The following NOP2 variants were observed in gnomAD, a reference collection of about 807,000 sequenced individuals.
NOP2 encodes the protein 28S rRNA (cytosine(4447)-C(5))-methyltransferase.
A neutral mutation model predicts 72.7 loss-of-function variants in NOP2; 7 were observed. The ratio of observed to expected loss-of-function variants is 0.10; its 90% CI spans 0.05 to 0.18. The LOEUF is 0.18. Among genes scored for constraint, NOP2 ranks in the 10% least tolerant of loss-of-function variants. NOP2 has a pLI of 1.00. For synonymous variants in NOP2, 387 were observed against 388.0 expected, an observed-to-expected ratio of 1.00 and a Z score of 0.03; for missense variants, 954 against 1,014.7, an observed-to-expected ratio of 0.94 and a Z score of 0.81.
rs1565587249 is a variant in NOP2 at position 6,560,407 on chromosome 12, C to CG, written c.1560+39_1560+40insC. 1.3e-6 allele frequency: 2 copies of CG among 1,594,914 alleles called. No homozygotes were observed. The highest frequency in any genetic ancestry group is 1.7e-6 in the Non-Finnish European group (2 of 1,168,508). Reference sequence around the variant, plus strand: ...GAGCTCTAAGGGGCAAAGAGCCCCCCAGCCCAGCCTCCCCTGCTCTGCCAT... The same window carrying CG: ...GAGCTCTAAGGGGCAAAGAGCCCCCCGAGCCCAGCCTCCCCTGCTCTGCCAT... On this transcript the variant is annotated intron_variant, in intron 14 of 15. Transcript: ENST00000322166. This position sits in a 1 kb window ranked among gnomAD's most constrained non-coding sequence, Gnocchi z 5.0.
At chr12:6,566,722 G>A in intron 3 of NOP2, 55 bp downstream of exon 3, 1 of 1,595,408 alleles carries the variant, frequency 6.3e-7, no homozygotes, top group South Asian at 1.1e-5. Flanking sequence ...TAACTCTGTG[G>A]TCAAAGATGA....
chr12:6,559,955 G>C (rs768093709), intron 15 of NOP2, 143 bp downstream of exon 15: 48 of 659,412 alleles, frequency 7.3e-5, no homozygotes, highest in Non-Finnish European at 1.1e-4. Flanking sequence ...GCTGGAATGA[G>C]AGGGTTCTCT....
rs750739348 is a variant in NOP2, at chr12:6,563,699, T to C, written c.603A>G (p.Pro201=). The C allele has an allele frequency of 5.0e-6, 8 of 1,613,694 alleles. No homozygotes were observed. The highest frequency in any genetic ancestry group is 6.8e-6 in the Non-Finnish European group (8 of 1,179,768). ...EKEVTPESGP[P]KVEEADGGLQ... Reference sequence around the variant, plus strand: ...GGCCCCCATCTGCCTCTTCCACCTTTGGGGGGCCTGACTCAGGGGTCACTT... The same window carrying C: ...GGCCCCCATCTGCCTCTTCCACCTTCGGGGGGCCTGACTCAGGGGTCACTT... Residue 201 remains proline (P), a synonymous_variant, in exon 7 of 16, where the codon CCA becomes CCG. Transcript: ENST00000322166.
At chr12:6,561,603 C>T (rs1259171548) in intron 11 of NOP2, 61 bp downstream of exon 11, 1 of 1,595,458 alleles carries the variant, frequency 6.3e-7, no homozygotes, top group Non-Finnish European at 8.6e-7. Context: ...ACCCCAGCAA[C>T]CCCATCTACT....
intron 2 of NOP2, among the ~76,000 whole-genome samples, chr12:6,567,218 TC>T (rs1044344371): frequency 2.6e-5 from 4 of 152,116 alleles, no homozygotes; most frequent in African/African-American, 9.7e-5. Flanking sequence ...CCAAAGTGTT[TC>T]CTTAATAGTG....
At chr12:6,557,778 T>C in intron 15 of NOP2, 136 bp from the exon 16 acceptor site, 1 of 905,274 alleles carries the variant, frequency 1.1e-6, no homozygotes. Context: ...TAAGAGCAGA[T>C]TACCTAAATT....
In NOP2 at chr12:6,567,606, CATGA is replaced by C. The variant is rs1947816178; in HGVS notation, c.103+206_103+209del. 27 of 472,664 alleles carry C rather than the reference CATGA, an allele frequency of 5.7e-5. No homozygotes were observed. The South Asian group carries it at 8.1e-4, about 14-fold the overall frequency. The allele number at this position is 472,664 out of a possible 1,614,324, so 29.3% of individuals were successfully genotyped here. A position where few individuals can be genotyped will look rare whatever the true frequency, so the allele number is the denominator to read the frequency against. On this transcript the variant is annotated intron_variant, in intron 2 of 15. Transcript: ENST00000322166. Reference sequence around the variant, plus strand: ...TGTTTTAAATCACACTTTTCCCTTGCATGAATAATAGTTGTGTCCGTGTCTTCAC... The same window carrying C: ...TGTTTTAAATCACACTTTTCCCTTGCATAATAGTTGTGTCCGTGTCTTCAC...
chr12:6,557,590 G>A lies in NOP2; in HGVS notation c.1842C>T (p.Pro614=), dbSNP rs776279326. Residue 614 remains proline, a synonymous_variant, in exon 16 of 16, where the codon CCC becomes CCT. Coordinates refer to ENST00000322166, the MANE Select transcript of NOP2 (RefSeq NM_001258308.2). ...PTNVDLPQVI[P]KSENSSQPAK... is the part of the protein sequence containing the mutation. ...CTGGCTGGCTGCTGTTCTCAGACTT[G>A]GGGATGACCTGAGGCAAGTCTACAT... 1.2e-6 allele frequency: 2 copies of A among 1,613,708 alleles called. No individual in the cohort carries two copies. Among genetic ancestry groups the A allele is most frequent in the Admixed American group, 1.7e-5 (1 of 59,964 alleles).
In NOP2 at chr12:6,557,058, G is replaced by C; in HGVS notation, c.2374C>G (p.Arg792Gly). Residue 792 changes from arginine to glycine, a missense_variant, in exon 16 of 16, where the codon CGC (arginine) becomes GGC (glycine). Around this residue, in one of 3 missense-constraint regions of NOP2, gnomAD observed 269 missense variants for 260.2 expected, o/e 1.03. Transcript: ENST00000322166. ...PPTVSPIRSS[R>G]PPPAKRKKSQ... ...TTCTTCCTCTTTGCTGGTGGGGGGC[G>C]GCTGGAACGGATGGGAGACACAGTG... The C allele has an allele frequency of 6.2e-7, 1 of 1,613,968 alleles. No individual in the cohort carries two copies. Among genetic ancestry groups the C allele is most frequent in the Non-Finnish European group, 8.5e-7 (1 of 1,179,894 alleles).
At position 6,563,307 on chromosome 12, in the gene NOP2, T is replaced by C; in HGVS notation, c.888+8A>G. ...AAAAGCAAAAGAGGCATTCTGGCAA[T>C]CCAGTACCTCAGACAGAGGGAAGAG... On this transcript the variant is annotated splice_region_variant and intron_variant, in intron 8 of 15. Coordinates refer to ENST00000322166, the MANE Select transcript of NOP2 (RefSeq NM_001258308.2). 1.3e-6 allele frequency: 2 copies of C among 1,583,278 alleles called. No individual in the cohort carries two copies. The highest frequency in any genetic ancestry group is 1.7e-6 in the Non-Finnish European group (2 of 1,164,552).
At chr12:6,558,261 A>G in intron 15 of NOP2, 2 of 278,770 alleles carry the variant, frequency 7.2e-6, no homozygotes, top group South Asian at 2.8e-5. Flanking sequence ...GGTGATTCTC[A>G]GGGTTTTGGG....
In NOP2 at chr12:6,560,672, CA is replaced by C; in HGVS notation, c.1437+25del. The stretch of plus-strand genomic sequence containing the variant: ...TCTACGAGACCCAGCCAAGGCCTCT[CA>C]GGGGCCCACCACCTGACTCCTCACC... On this transcript the variant is annotated intron_variant, in intron 13 of 15. Transcript: ENST00000322166. This position sits in a 1 kb window ranked among gnomAD's most constrained non-coding sequence, Gnocchi z 5.0. The C allele has an allele frequency of 6.2e-7, 1 of 1,613,024 alleles. No individual in the cohort carries two copies. The highest frequency in any genetic ancestry group is 1.1e-5 in the South Asian group (1 of 90,974).
chr12:6,562,964 C>G lies in NOP2; in HGVS notation c.978+117G>C, dbSNP rs559651643. ...CATCAGGCCTCTGGGTTTGCCCCCC[C>G]AGGATCATGCTTAGGTCCTAAGGCC... On this transcript the variant is annotated intron_variant, in intron 9 of 15. Transcript: ENST00000322166. The G allele has an allele frequency of 8.8e-6, 9 of 1,019,658 alleles. No homozygotes were observed. In the African/African-American group the frequency reaches 9.6e-5, roughly 11 times the overall value. 63.2% of individuals were successfully genotyped at this position (1,019,658 alleles called of 1,614,324 possible).
intron 5 of NOP2, 64 bp from the exon 6 acceptor site, chr12:6,564,010 T>A: frequency 6.4e-7 from 1 of 1,569,770 alleles, no homozygotes; most frequent in Non-Finnish European, 8.6e-7. Context: ...AGCAGTTCTA[T>A]CTCTATATCT....
chr12:6,567,757 G>T, intron 2 of NOP2, 59 bp downstream of exon 2: 1 of 1,294,672 alleles, frequency 7.7e-7, no homozygotes, highest in Non-Finnish European at 1.1e-6. Context: ...AAAGAGAAGA[G>T]GTTATAATAC....
intron 11 of NOP2, 57 bp downstream of exon 11, chr12:6,561,607 A>G (rs1947651667): frequency 6.3e-7 from 1 of 1,598,830 alleles, no homozygotes; most frequent in East Asian, 2.2e-5. Context: ...CAGCAACCCC[A>G]TCTACTTTCA....
intron 5 of NOP2, chr12:6,564,254 C>G (rs1310892970): frequency 7.9e-5 from 14 of 178,086 alleles, no homozygotes; most frequent in South Asian, 2.1e-4. Flanking sequence ...CCAGCCTGGG[C>G]AACAGAGAAA....
At position 6,563,371 on chromosome 12, in the gene NOP2, A is replaced by G. The variant is rs1412978679; in HGVS notation, c.832T>C (p.Tyr278His). ...CCAAGCAGGAAGTCTCCATAGGAGT[A>G]GTAAATGGCCAGATCCTTCTTGAGC... ...NRLKKDLAIY[Y>H]SYGDFLLGKL... is the part of the protein sequence containing the mutation. Residue 278 changes from tyrosine to histidine, a missense_variant, in exon 8 of 16, where the codon TAC becomes CAC. Transcript: ENST00000322166. The G allele has an allele frequency of 6.2e-7, 1 of 1,604,522 alleles. No homozygotes were observed. Among genetic ancestry groups the G allele is most frequent in the Admixed American group, 1.7e-5 (1 of 58,450 alleles).
At chr12:6,564,203 G>A in intron 5 of NOP2, 1 of 1,023,644 alleles carries the variant, frequency 9.8e-7, no homozygotes, top group Non-Finnish European at 1.4e-6. Context: ...TTGAACCCGG[G>A]AGGTGGAGGT....
Sources: gnomAD v4.1 joint callset for allele counts (sites outside exome capture counted in the v4.1 genomes callset) on GRCh38, gnomAD v4.1.1 for gene constraint, gnomAD v4.1.1 regional missense constraint, Gnocchi (gnomAD v3.1) non-coding constraint, MANE v1.5 for transcripts, NCBI Gene and HGNC (gene_info 2026-07-23, HGNC 2026-07-21) for gene names.